CHN2: variants seen among roughly 807,000 people sequenced by gnomAD.
CHN2 encodes chimerin 2.
Under a neutral mutation model 56.3 loss-of-function variants are expected in CHN2, and 35 were observed. The observed-to-expected ratio is 0.62, with a 90% confidence interval of 0.47 to 0.82. The LOEUF (loss-of-function observed/expected upper bound fraction) is 0.82. CHN2 is among the 40% of genes least tolerant of loss of function. The pLI is 0.00. For missense variants in CHN2, 491 were observed against 580.5 expected (o/e 0.85, Z 1.58); for synonymous variants, 210 against 212.8 (o/e 0.99, Z 0.12).
intron 1 of CHN2, among the ~76,000 whole-genome samples, chr7:29,229,978 A>AAAAT (rs3046854): frequency 0.4 from 59,161 of 149,620 alleles, 11,850 homozygotes; most frequent in East Asian, 0.54. Flanking sequence ...CCCTGTCTCA[A>AAAAT]AAATAAATAA....
chr7:29,426,163 C>T (rs1195766930), intron 6 of CHN2, among the ~76,000 whole-genome samples: 3 of 140,826 alleles, frequency 2.1e-5, no homozygotes, highest in Admixed American at 7.7e-5. Flanking sequence ...GAGCCGAGAT[C>T]CTGCCACTGC....
At chr7:29,367,902 T>TTCTCTCTC in intron 2 of CHN2, 30 bp from the exon 3 acceptor site, 2 of 1,471,284 alleles carry the variant, frequency 1.4e-6, no homozygotes, top group Non-Finnish European at 1.9e-6. Flanking sequence ...TTCTAATTAT[T>TTCTCTCTC]TCTCTCTCTC....
intron 4 of CHN2, among the ~76,000 whole-genome samples, chr7:29,393,911 G>T (rs973195225): frequency 6.6e-6 from 1 of 152,096 alleles, no homozygotes; most frequent in Non-Finnish European, 1.5e-5. Context: ...AATGTGGGAG[G>T]TAGAGCATTT....
rs1181570127 is a variant in CHN2, at chr7:29,263,519, T to C, written c.49+68529T>C. Among the ~76,000 whole-genome samples the C allele has an allele frequency of 2.5e-4, 33 of 130,896 alleles. No individual in the cohort carries two copies. The East Asian group carries it at 7.2e-3, about 29-fold the overall frequency. 85.9% of individuals were successfully genotyped at this position (130,896 alleles called of 152,430 possible). A position where few individuals can be genotyped will look rare whatever the true frequency, so the allele number is the denominator to read the frequency against. On this transcript the variant is annotated intron_variant, in intron 1 of 12. Transcript: ENST00000222792. ...CTGGGATGTGAGGAGCCCCTCTGCC[T>C]GGCCGCCCAGTCCGGGAAGTGAGGA...
chr7:29,336,502 T>C (rs1265363389), intron 1 of CHN2, among the ~76,000 whole-genome samples: 1 of 152,032 alleles, frequency 6.6e-6, no homozygotes, highest in Non-Finnish European at 1.5e-5. Context: ...TCTTAGCTTC[T>C]TGGGAAGCCA....
At chr7:29,182,043 A>G (rs925389285) in intron 2 of CHN2, among the ~76,000 whole-genome samples, 3 of 152,220 alleles carry the variant, frequency 2.0e-5, no homozygotes, top group African/African-American at 7.2e-5. Context: ...AATTATAACT[A>G]TTTCTTTCAG....
At chr7:29,420,577 G>A (rs1049449103) in intron 6 of CHN2, among the ~76,000 whole-genome samples, 1 of 152,164 alleles carries the variant, frequency 6.6e-6, no homozygotes, top group African/African-American at 2.4e-5. Context: ...GTCTTAATAT[G>A]AGGTATCTAA....
chr7:29,253,018 C>A (rs1584875693), intron 1 of CHN2, among the ~76,000 whole-genome samples: 1 of 152,246 alleles, frequency 6.6e-6, no homozygotes, highest in Non-Finnish European at 1.5e-5. Context: ...TTTCCCATCA[C>A]GGGAAAGATA....
chr7:29,427,943 C>T (rs1805051507), intron 6 of CHN2, among the ~76,000 whole-genome samples: 1 of 152,142 alleles, frequency 6.6e-6, no homozygotes, highest in African/African-American at 2.4e-5. Context: ...GTTTGAACCT[C>T]CGCATCCGGC....
At chr7:29,224,124 C>T (rs1786013652) in intron 1 of CHN2, among the ~76,000 whole-genome samples, 1 of 152,138 alleles carries the variant, frequency 6.6e-6, no homozygotes, top group African/African-American at 2.4e-5. Context: ...AGCTGATGTT[C>T]TAAAATTGGA....
At chr7:29,284,133 T>G (rs1157973515) in intron 1 of CHN2, among the ~76,000 whole-genome samples, 1 of 152,018 alleles carries the variant, frequency 6.6e-6, no homozygotes, top group Non-Finnish European at 1.5e-5. Flanking sequence ...AGTCTGGCTC[T>G]GTCCCAGGCT....
At chr7:29,414,623 T>A (rs1239916222) in intron 6 of CHN2, among the ~76,000 whole-genome samples, 1 of 152,106 alleles carries the variant, frequency 6.6e-6, no homozygotes. Flanking sequence ...CTGACCCCAG[T>A]GTGGCATGCA....
At chr7:29,472,313 T>TCACACACGCACACACAC (rs1459480414) in intron 6 of CHN2, among the ~76,000 whole-genome samples, 1 of 77,798 alleles carries the variant, frequency 1.3e-5, no homozygotes, top group African/African-American at 3.3e-5. Flanking sequence ...ACACACACAT[T>TCACACACGCACACACAC]AGACACAGAA....
chr7:29,162,372 A>G lies in CHN2; in HGVS notation c.274+15412A>G, dbSNP rs545087464. Among the ~76,000 whole-genome samples the G allele has an allele frequency of 2.6e-5, 4 of 152,312 alleles. No individual in the cohort carries two copies. The South Asian group carries it at 6.2e-4, about 24-fold the overall frequency. ...AACAGCTAGGGTGGATCTTAAGAAC[A>G]TTATGATGGCCAGGCGTGGTGGCTC... On this transcript the variant is annotated intron_variant, in intron 2 of 6. Coordinates refer to the CHN2 transcript ENST00000439384.
chr7:29,407,020 C>T (rs1006145875), intron 6 of CHN2, among the ~76,000 whole-genome samples: 1 of 152,154 alleles, frequency 6.6e-6, no homozygotes, highest in African/African-American at 2.4e-5. Flanking sequence ...AAGAGGGTGC[C>T]TCAGCATCTC....
At chr7:29,374,817 C>CTTCCTTCCTTCCTTCG (rs1292319449) in intron 3 of CHN2, among the ~76,000 whole-genome samples, 1 of 142,962 alleles carries the variant, frequency 7.0e-6, no homozygotes, top group Admixed American at 6.9e-5. Flanking sequence ...TCCTTCCTTC[C>CTTCCTTCCTTCCTTCG]TTCCTTCCTT....
intron 2 of CHN2, among the ~76,000 whole-genome samples, chr7:29,173,147 A>G (rs1796829532): frequency 1.3e-5 from 2 of 150,560 alleles, no homozygotes; most frequent in African/African-American, 4.9e-5. Flanking sequence ...AAAAAAAAAA[A>G]GCTGGATGAG....
At chr7:29,310,033 TGGG>T (rs896137539) in intron 1 of CHN2, among the ~76,000 whole-genome samples, 3 of 152,332 alleles carry the variant, frequency 2.0e-5, no homozygotes, top group Middle Eastern at 3.4e-3. Flanking sequence ...ATTTCCTAGG[TGGG>T]GGGACCAAGA....
intron 1 of CHN2, among the ~76,000 whole-genome samples, chr7:29,313,153 C>T (rs1164517770): frequency 4.6e-5 from 7 of 152,262 alleles, no homozygotes; most frequent in African/African-American, 1.7e-4. Flanking sequence ...CGTAGATTTC[C>T]AGCCTCACTG....
Sources: allele counts gnomAD v4.1 joint callset (sites outside exome capture counted in the v4.1 genomes callset), GRCh38; gene constraint gnomAD v4.1.1; transcripts MANE v1.5; gene names NCBI Gene and HGNC (gene_info 2026-07-23, HGNC 2026-07-21).